Variants in XRCC4 observed in about 807,000 individuals in gnomAD.
The protein encoded by XRCC4 is X-ray repair cross complementing 4.
XRCC4 carries 28 observed loss-of-function variants against 39.1 expected under a neutral mutation model. The observed-to-expected ratio is 0.72, with a 90% CI of 0.53 to 0.98. The LOEUF (loss-of-function observed/expected upper bound fraction) is 0.98, where lower values mean the gene tolerates loss of function less well. XRCC4 is among the 50% of genes least tolerant of loss of function. The pLI is 0.00. For synonymous variants in XRCC4, 123 were observed against 126.4 expected (o/e 0.97, Z 0.18); for missense variants, 350 against 376.4 (o/e 0.93, Z 0.58).
chr5:83,246,347 G>A (rs1258444957), intron 6 of XRCC4, among the ~76,000 whole-genome samples: 1 of 152,032 alleles, frequency 6.6e-6, no homozygotes, highest in Non-Finnish European at 1.5e-5. Context: ...CATTTTAAAT[G>A]CCGACTCCAG....
At chr5:83,221,002 C>T (rs1365479805) in intron 6 of XRCC4, among the ~76,000 whole-genome samples, 1 of 151,932 alleles carries the variant, frequency 6.6e-6, no homozygotes, top group Non-Finnish European at 1.5e-5. Context: ...AATCTGCAAC[C>T]CTCCTTATTG....
At chr5:83,248,419 G>A (rs1056450954) in intron 6 of XRCC4, among the ~76,000 whole-genome samples, 1 of 152,140 alleles carries the variant, frequency 6.6e-6, no homozygotes, top group African/African-American at 2.4e-5. Context: ...AACTGTGGAA[G>A]TATTGGAGAT....
chr5:83,277,211 A>C (rs1427670840), intron 7 of XRCC4, among the ~76,000 whole-genome samples: 2 of 152,234 alleles, frequency 1.3e-5, no homozygotes, highest in Non-Finnish European at 2.9e-5. Context: ...GACAGTCATT[A>C]GTTCTGTTCA....
At chr5:83,249,309 T>A (rs1753224531) in intron 6 of XRCC4, among the ~76,000 whole-genome samples, 1 of 152,170 alleles carries the variant, frequency 6.6e-6, no homozygotes, top group Non-Finnish European at 1.5e-5. Flanking sequence ...TTATTCCTTC[T>A]AAATGAAAGT....
At position 83,353,115 on chromosome 5, in the gene XRCC4, T is replaced by G; in HGVS notation, c.894-16T>G. 1 of 1,560,788 alleles carries G rather than the reference T, an allele frequency of 6.4e-7. No homozygotes were observed. The highest frequency in any genetic ancestry group is 8.6e-7 in the Non-Finnish European group (1 of 1,158,328). ...TTTTAAAAATAAAACTATTTTGATT[T>G]TCTTTTCAGTTCTAGGCCTGATTCT... On this transcript the variant is annotated splice_polypyrimidine_tract_variant and intron_variant, in intron 7 of 7. Transcript: ENST00000396027.
At chr5:83,224,645 GTCC>G (rs1752219671) in intron 6 of XRCC4, among the ~76,000 whole-genome samples, 1 of 152,074 alleles carries the variant, frequency 6.6e-6, no homozygotes, top group Non-Finnish European at 1.5e-5. Context: ...ACTAATTAGT[GTCC>G]TCTTTCTTAT....
intron 3 of XRCC4, among the ~76,000 whole-genome samples, chr5:83,168,299 G>A (rs1749575765): frequency 6.6e-6 from 1 of 152,032 alleles, no homozygotes; most frequent in Admixed American, 6.6e-5. Flanking sequence ...TAAGAATAGG[G>A]GAGACCAAAT....
At chr5:83,269,590 C>A (rs560209559) in intron 7 of XRCC4, among the ~76,000 whole-genome samples, 1 of 151,000 alleles carries the variant, frequency 6.6e-6, no homozygotes, top group African/African-American at 2.4e-5. Flanking sequence ...CAAAAAATAA[C>A]CTGAAATTGG....
chr5:83,359,290 C>T, the XRCC4 span, among the ~76,000 whole-genome samples: 39,244 of 151,968 alleles, frequency 0.26, 7,523 homozygotes, highest in East Asian at 0.68. Flanking sequence ...TTTGAAGTAG[C>T]GTACAGAAGA....
chr5:83,270,793 AT>A (rs5869174), intron 7 of XRCC4, among the ~76,000 whole-genome samples: 1 of 144,210 alleles, frequency 6.9e-6, no homozygotes, highest in East Asian at 2.1e-4. Flanking sequence ...ATATGTATAT[AT>A]TTTTTTTTTG....
At chr5:83,342,622 A>G (rs1488668754) in intron 7 of XRCC4, among the ~76,000 whole-genome samples, 1 of 152,112 alleles carries the variant, frequency 6.6e-6, no homozygotes, top group Non-Finnish European at 1.5e-5. Context: ...TTCTCTTTTT[A>G]TTTTCTAGGC....
At chr5:83,337,934 T>C (rs1027865061) in intron 7 of XRCC4, among the ~76,000 whole-genome samples, 1 of 152,124 alleles carries the variant, frequency 6.6e-6, no homozygotes, top group Admixed American at 6.5e-5. Flanking sequence ...GTGGAAAGCT[T>C]CACAGAAACA....
intron 7 of XRCC4, among the ~76,000 whole-genome samples, chr5:83,264,043 C>T (rs1013448307): frequency 2.4e-4 from 36 of 152,074 alleles, no homozygotes; most frequent in African/African-American, 8.5e-4. Context: ...GTATTTCAGC[C>T]CAGTATTTCC....
intron 6 of XRCC4, among the ~76,000 whole-genome samples, chr5:83,258,200 T>C (rs2112894969): frequency 6.6e-6 from 1 of 151,988 alleles, no homozygotes; most frequent in Non-Finnish European, 1.5e-5. Context: ...AAAAAAACTA[T>C]GCAGTTTTGT....
intron 3 of XRCC4, among the ~76,000 whole-genome samples, chr5:83,168,055 T>C (rs1327096818): frequency 6.6e-6 from 1 of 152,060 alleles, no homozygotes; most frequent in Non-Finnish European, 1.5e-5. Flanking sequence ...AAAATGATGG[T>C]AGATAAAAAT....
intron 2 of XRCC4, among the ~76,000 whole-genome samples, chr5:83,106,793 C>T (rs529479460): frequency 4.6e-5 from 7 of 151,892 alleles, no homozygotes; most frequent in East Asian, 1.9e-4. Flanking sequence ...TTATCTAGAC[C>T]GGTACCTACG....
chr5:83,148,924 AAC>A (rs532132656), intron 3 of XRCC4, among the ~76,000 whole-genome samples: 6 of 152,302 alleles, frequency 3.9e-5, no homozygotes, highest in Admixed American at 2.6e-4. Context: ...CATTTTTTGT[AAC>A]AGTGTTTAAC....
intron 7 of XRCC4, among the ~76,000 whole-genome samples, chr5:83,351,531 A>G (rs1757082878): frequency 6.6e-6 from 1 of 152,220 alleles, no homozygotes; most frequent in Non-Finnish European, 1.5e-5. Context: ...ATGTATATAT[A>G]TAATAATTAT....
intron 1 of XRCC4, among the ~76,000 whole-genome samples, chr5:83,089,114 G>A (rs1745307503): frequency 6.6e-6 from 1 of 152,174 alleles, no homozygotes; most frequent in Non-Finnish European, 1.5e-5. Flanking sequence ...CACTACCCTT[G>A]TAGAAGCACA....
Sources: allele counts gnomAD v4.1 joint callset (sites outside exome capture counted in the v4.1 genomes callset), GRCh38; gene constraint gnomAD v4.1.1; transcripts MANE v1.5; gene names NCBI Gene and HGNC (gene_info 2026-07-23, HGNC 2026-07-21).